Variants in WDR97 observed in about 807,000 individuals in gnomAD.
The protein encoded by WDR97 is WD repeat domain 97.
Under a neutral mutation model 65.4 loss-of-function variants are expected in WDR97, and 111 were observed. That is an observed-to-expected ratio of 1.70 (90% CI 1.45 to 1.99). The LOEUF (loss-of-function observed/expected upper bound fraction) is 1.99. WDR97 is among the 30% of genes most tolerant of loss of function. The pLI, the probability that WDR97 is intolerant of heterozygous loss-of-function variation, is 0.00. For synonymous variants in WDR97, 802 were observed against 397.7 expected (o/e 2.02, Z -12.10); for missense variants, 1,674 against 865.0 (o/e 1.94, Z -11.73).
rs1406958191 is a variant in WDR97 at position 144,116,352 on chromosome 8, G to A, written c.*59G>A. 2 of 574,100 alleles carry A rather than the reference G, an allele frequency of 3.5e-6. No homozygotes were observed. Among genetic ancestry groups the A allele is most frequent in the Non-Finnish European group, 6.2e-6 (2 of 323,414 alleles). The allele number at this position is 574,100 out of a possible 1,614,324, so 35.6% of individuals were successfully genotyped here. A position where few individuals can be genotyped will look rare whatever the true frequency, so the allele number is the denominator to read the frequency against. ...GGCCTGTCATTGGTATTTGGCCAAG[G>A]CCTGCATCGGGAATAAAGTCCAGAG... On this transcript the variant is annotated 3_prime_UTR_variant, in exon 24 of 24. Coordinates refer to ENST00000323662, the MANE Select transcript of WDR97 (RefSeq NM_001316309.2).
rs1326757294 is a variant in WDR97, at chr8:144,111,716, T to G, written c.2572T>G (p.Ser858Ala). 4.2e-5 allele frequency: 29 copies of G among 697,202 alleles called. No individual in the cohort carries two copies. The East Asian group carries it at 7.8e-4, about 19-fold the overall frequency. 43.2% of individuals were successfully genotyped at this position (697,202 alleles called of 1,614,324 possible). Residue 858 changes from serine to alanine, a missense_variant, in exon 12 of 24, where the codon TCC becomes GCC. Transcript: ENST00000323662. Reference protein sequence around the residue: ...LVVPAAQPPPSWQQRQEGFDN... With the variant: ...LVVPAAQPPPAWQQRQEGFDN... ...GGTCCCAGCAGCCCAGCCCCCACCC[T>G]CCTGGCAGCAGCGCCAGGAAGGCTT...
chr8:144,111,236 C>A lies in WDR97; in HGVS notation c.2426+14C>A. The A allele has an allele frequency of 1.4e-6, 1 of 702,714 alleles. No individual in the cohort carries two copies. Among genetic ancestry groups the A allele is most frequent in the South Asian group, 1.5e-5 (1 of 67,602 alleles). 43.5% of individuals were successfully genotyped at this position (702,714 alleles called of 1,614,324 possible). A position where few individuals can be genotyped will look rare whatever the true frequency, so the allele number is the denominator to read the frequency against. ...AGCCAGCCTCAGGTCCCATGCAGGC[C>A]TGCTCAGCCCTCCTGGAGGCCCTCC... On this transcript the variant is annotated intron_variant, in intron 10 of 23. Transcript: ENST00000323662.
chr8:144,113,189 A>G, intron 15 of WDR97: 1 of 560,404 alleles, frequency 1.8e-6, no homozygotes, highest in Non-Finnish European at 3.1e-6. Context: ...CCTAGAAGCC[A>G]GCACTTCTCC....
chr8:144,109,123 T>G lies in WDR97; in HGVS notation c.953T>G (p.Val318Gly), dbSNP rs1198864835. Residue 318 changes from valine (V) to glycine (G), a missense_variant, in exon 4 of 24, where the codon GTG (valine) becomes GGG (glycine). Physicochemically the swap from Val to Gly is moderately radical, Grantham distance 109. Coordinates refer to ENST00000323662, the MANE Select transcript of WDR97 (RefSeq NM_001316309.2). Reference sequence around the variant, plus strand: ...GCTTCCCGGGACAGCACCGTGAAGGTGTGGGAGGCTGACTGGCAGATCCGG... The same window carrying G: ...GCTTCCCGGGACAGCACCGTGAAGGGGTGGGAGGCTGACTGGCAGATCCGG... Reference protein sequence around the residue: ...VTASRDSTVKVWEADWQIRMV... With the variant: ...VTASRDSTVKGWEADWQIRMV... 1 of 702,892 alleles carries G rather than the reference T, an allele frequency of 1.4e-6. No homozygotes were observed. Among genetic ancestry groups the G allele is most frequent in the South Asian group, 1.5e-5 (1 of 67,602 alleles). The allele number at this position is 702,892 out of a possible 1,614,324, so 43.5% of individuals were successfully genotyped here. A position where few individuals can be genotyped will look rare whatever the true frequency, so the allele number is the denominator to read the frequency against.
chr8:144,115,477 C>T lies in WDR97; in HGVS notation c.4214C>T (p.Ser1405Leu), dbSNP rs1206289467. Residue 1405 changes from serine (S) to leucine (L), a missense_variant, in exon 22 of 24, where the codon TCA (serine) becomes TTA (leucine). By Grantham distance (145) the Ser-to-Leu change is moderately radical (BLOSUM62 -2). Coordinates refer to ENST00000323662, the MANE Select transcript of WDR97 (RefSeq NM_001316309.2). ...TCAGAGGTGCCTTTGATGGTGGTCT[C>T]ACCTGCGGAGCCGCACTCTTTAGCC... ...QVSEVPLMVVSPAEPHSLAPE... is the reference protein window; with the variant it reads ...QVSEVPLMVVLPAEPHSLAPE... 5 of 695,592 alleles carry T rather than the reference C, an allele frequency of 7.2e-6. No individual in the cohort carries two copies. The highest frequency in any genetic ancestry group is 1.3e-5 in the Non-Finnish European group (5 of 380,768). 43.1% of individuals were successfully genotyped at this position (695,592 alleles called of 1,614,324 possible). A position where few individuals can be genotyped will look rare whatever the true frequency, so the allele number is the denominator to read the frequency against.
At position 144,115,733 on chromosome 8, in the gene WDR97, C is replaced by A. The variant is rs996139218; in HGVS notation, c.4470C>A (p.Phe1490Leu). ...DLGPIDALNF[F>L]CEQLRAQQRS... The stretch of plus-strand genomic sequence containing the variant: ...GCCCCATCGACGCGCTCAACTTCTT[C>A]TGTGAGCAGCTGCGGGCGCAGCAGC... Residue 1490 changes from phenylalanine (F) to leucine (L), a missense_variant, in exon 22 of 24, where the codon TTC becomes TTA. Phe to Leu is a conservative substitution (Grantham distance 22, BLOSUM62 0). Transcript: ENST00000323662. The A allele has an allele frequency of 1.4e-6, 1 of 701,680 alleles. No homozygotes were observed. The highest frequency in any genetic ancestry group is 1.5e-5 in the South Asian group (1 of 67,518). The allele number at this position is 701,680 out of a possible 1,614,324, so 43.5% of individuals were successfully genotyped here.
At position 144,112,257 on chromosome 8, in the gene WDR97, G is replaced by T. The variant is rs1451931185; in HGVS notation, c.2929G>T (p.Gly977Cys). 4.3e-6 allele frequency: 3 copies of T among 702,764 alleles called. No homozygotes were observed. The East Asian group carries it at 8.0e-5, about 19-fold the overall frequency. 43.5% of individuals were successfully genotyped at this position (702,764 alleles called of 1,614,324 possible). Residue 977 changes from glycine to cysteine, a missense_variant, in exon 14 of 24, where the codon GGC becomes TGC. Coordinates refer to ENST00000323662, the MANE Select transcript of WDR97 (RefSeq NM_001316309.2). Reference sequence around the variant, plus strand: ...CCGCTCCTCACTGAGCCACTACCTGGGCATCAGTCTGGATCTGCAGCTGCA... The same window carrying T: ...CCGCTCCTCACTGAGCCACTACCTGTGCATCAGTCTGGATCTGCAGCTGCA... ...LARSSLSHYL[G>C]ISLDLQLQLE... is the part of the protein sequence containing the mutation.
In WDR97 at chr8:144,110,134, A is replaced by G. The variant is rs1444008330; in HGVS notation, c.1721A>G (p.His574Arg). 1.4e-6 allele frequency: 1 copy of G among 702,738 alleles called. No homozygotes were observed. Among genetic ancestry groups the G allele is most frequent in the South Asian group, 1.5e-5 (1 of 67,600 alleles). 43.5% of individuals were successfully genotyped at this position (702,738 alleles called of 1,614,324 possible). ...NKNRYLPVVG[H>R]TDGTLSVLEW... ...CGCAGGTACCTGCCAGTGGTGGGGCACACGGACGGCACGCTGTCGGTGCTG... is the reference window on the plus strand; with the variant it reads ...CGCAGGTACCTGCCAGTGGTGGGGCGCACGGACGGCACGCTGTCGGTGCTG... The change falls in exon 6 of 24, where the codon CAC (histidine) becomes CGC (arginine). Residue 574 changes from histidine (H) to arginine (R), a missense_variant. By Grantham distance (29) the His-to-Arg change is conservative. Transcript: ENST00000323662.
chr8:144,110,720 G>A lies in WDR97; in HGVS notation c.2152G>A (p.Ala718Thr), dbSNP rs865907908. 4.3e-6 allele frequency: 3 copies of A among 702,790 alleles called. No individual in the cohort carries two copies. The highest frequency in any genetic ancestry group is 2.0e-5 in the Admixed American group (1 of 49,998). The allele number at this position is 702,790 out of a possible 1,614,324, so 43.5% of individuals were successfully genotyped here. The change falls in exon 8 of 24, where the codon GCT becomes ACT. Residue 718 changes from alanine (A) to threonine (T), a missense_variant. By Grantham distance (58) the Ala-to-Thr change is moderately conservative (BLOSUM62 0). Coordinates refer to ENST00000323662, the MANE Select transcript of WDR97 (RefSeq NM_001316309.2). ...GGACTGCACCGTTCGCATCTGGACT[G>A]CTGAGAACCGCCTCCTGCGGTAGGC... The part of the protein sequence containing the change: ...SLDCTVRIWT[A>T]ENRLLRLLQL...
rs923142806 is a variant in WDR97, at chr8:144,109,995, G to T, written c.1661G>T (p.Arg554Leu). The T allele has an allele frequency of 4.3e-5, 30 of 700,240 alleles. No individual in the cohort carries two copies. Among genetic ancestry groups the T allele is most frequent in the Non-Finnish European group, 7.3e-5 (28 of 383,508 alleles). The allele number at this position is 700,240 out of a possible 1,614,324, so 43.4% of individuals were successfully genotyped here. The change falls in exon 5 of 24, where the codon CGC (arginine) becomes CTC (leucine). Residue 554 changes from arginine (R) to leucine (L), a missense_variant. Arg to Leu is a moderately radical substitution (Grantham distance 102, BLOSUM62 -2). Coordinates refer to ENST00000323662, the MANE Select transcript of WDR97 (RefSeq NM_001316309.2). ...EIVRQHWGEL[R>L]CSSVACAWKN... ...GTGCGCCAGCACTGGGGCGAGTTGCGCTGCAGCTCTGTGGCCTGCGCCTGG... is the reference window on the plus strand; with the variant it reads ...GTGCGCCAGCACTGGGGCGAGTTGCTCTGCAGCTCTGTGGCCTGCGCCTGG...
rs1278884977 is a variant in WDR97, at chr8:144,109,650, A to C, written c.1316A>C (p.His439Pro). 1 of 672,396 alleles carries C rather than the reference A, an allele frequency of 1.5e-6. No individual in the cohort carries two copies. The highest frequency in any genetic ancestry group is 2.7e-6 in the Non-Finnish European group (1 of 371,956). 41.7% of individuals were successfully genotyped at this position (672,396 alleles called of 1,614,324 possible). Residue 439 changes from histidine to proline, a missense_variant, in exon 5 of 24, where the codon CAC (histidine) becomes CCC (proline). Transcript: ENST00000323662. ...QVAPALPAPA[H>P]QSLPTRLVCA... is the part of the protein sequence containing the mutation. ...GCGCCCGCGTTGCCCGCGCCTGCGC[A>C]CCAGTCGCTGCCTACGCGCCTCGTG...
chr8:144,111,016 T>C lies in WDR97; in HGVS notation c.2304+20T>C. 1 of 702,242 alleles carries C rather than the reference T, an allele frequency of 1.4e-6. No individual in the cohort carries two copies. Among genetic ancestry groups the C allele is most frequent in the Non-Finnish European group, 2.6e-6 (1 of 384,686 alleles). 43.5% of individuals were successfully genotyped at this position (702,242 alleles called of 1,614,324 possible). On this transcript the variant is annotated intron_variant, in intron 9 of 23. Transcript: ENST00000323662. ...GTTAAGGTGTGTGGTGAGGACAGAG[T>C]GAGCAAGGTGGGCCCCCCTTGCTCA...
In WDR97 at chr8:144,111,124, C is replaced by G. The variant is rs747543628; in HGVS notation, c.2328C>G (p.Asp776Glu). Residue 776 changes from aspartate to glutamate, a missense_variant, in exon 10 of 24, where the codon GAC becomes GAG. Transcript: ENST00000323662. ...LVKKMCRKAP[D>E]VVDDPPLPLM... The stretch of plus-strand genomic sequence containing the variant: ...AGAAGATGTGCCGGAAGGCCCCAGA[C>G]GTGGTGGACGACCCTCCGCTGCCAC... The G allele has an allele frequency of 1.4e-6, 1 of 702,800 alleles. No individual in the cohort carries two copies. Among genetic ancestry groups the G allele is most frequent in the South Asian group, 1.5e-5 (1 of 67,608 alleles). The allele number at this position is 702,800 out of a possible 1,614,324, so 43.5% of individuals were successfully genotyped here. A position where few individuals can be genotyped will look rare whatever the true frequency, so the allele number is the denominator to read the frequency against.
chr8:144,109,000 C>G (rs1295975798), intron 3 of WDR97, 49 bp from the exon 4 acceptor site: 2 of 702,992 alleles, frequency 2.8e-6, no homozygotes, highest in African/African-American at 3.5e-5. Flanking sequence ...GGCCCTCACA[C>G]ACAAGGCGAT....
chr8:144,111,585 T>C, intron 11 of WDR97, 47 bp from the exon 12 acceptor site: 2 of 680,478 alleles, frequency 2.9e-6, no homozygotes, highest in African/African-American at 1.8e-5. Flanking sequence ...GGGCAGCACA[T>C]AGCAAGGCTC....
intron 14 of WDR97, 39 bp downstream of exon 14, chr8:144,112,388 G>A: frequency 1.4e-6 from 1 of 702,542 alleles, no homozygotes; most frequent in South Asian, 1.5e-5. Flanking sequence ...CCTACTGAGG[G>A]GCAGAGCTGC....
chr8:144,110,891 G>A lies in WDR97; in HGVS notation c.2199G>A (p.Gln733=), dbSNP rs1451086041. 3 of 702,928 alleles carry A rather than the reference G, an allele frequency of 4.3e-6. No individual in the cohort carries two copies. In the South Asian group the frequency reaches 4.4e-5, roughly 10 times the overall value. The allele number at this position is 702,928 out of a possible 1,614,324, so 43.5% of individuals were successfully genotyped here. ...TCCTGCAGCTGAATGGTGCCCCTCA[G>A]GCCCTGGCTTTCTGCAGCAACAGTG... ...LRLLQLNGAP[Q]ALAFCSNSGD... Residue 733 remains glutamine, a synonymous_variant, in exon 9 of 24, where the codon CAG becomes CAA. Coordinates refer to ENST00000323662, the MANE Select transcript of WDR97 (RefSeq NM_001316309.2).
Position 144,107,834 on chromosome 8 carries a change from A to G in WDR97, c.84A>G (p.Pro28=). The change falls in exon 1 of 24, where the codon CCA becomes CCG. Residue 28 remains proline (P), a synonymous_variant. Transcript: ENST00000323662. ...ATGATGCGGATGGCTATGATGTCCCAGACCCTGGGCTGCTCACCGAAAAGA... is the reference window on the plus strand; with the variant it reads ...ATGATGCGGATGGCTATGATGTCCCGGACCCTGGGCTGCTCACCGAAAAGA... The part of the protein sequence containing the change: ...DLYDADGYDV[P]DPGLLTEKNE... 1 of 702,836 alleles carries G rather than the reference A, an allele frequency of 1.4e-6. No homozygotes were observed. 43.5% of individuals were successfully genotyped at this position (702,836 alleles called of 1,614,324 possible). A position where few individuals can be genotyped will look rare whatever the true frequency, so the allele number is the denominator to read the frequency against.
intron 5 of WDR97, 24 bp downstream of exon 5, chr8:144,110,058 T>C: frequency 1.4e-6 from 1 of 695,154 alleles, no homozygotes; most frequent in East Asian, 2.7e-5. Context: ...CCGGCGAGGG[T>C]CTGGCGGGCG....
Sources: gnomAD v4.1 joint callset for allele counts on GRCh38, gnomAD v4.1.1 for gene constraint, MANE v1.5 for transcripts, NCBI Gene and HGNC (gene_info 2026-07-23, HGNC 2026-07-21) for gene names.